Variants in CPAP observed in about 807,000 individuals in gnomAD.
The protein encoded by CPAP is centrosomal P4.1-associated protein.
chr13:24,883,327 T>C, the CPAP span: 1 of 1,613,956 alleles, frequency 6.2e-7, no homozygotes, highest in South Asian at 1.1e-5. Flanking sequence ...CAGTATGTAG[T>C]TCTCTTTGGC....
chr13:24,897,675 T>C, the CPAP span, among the ~76,000 whole-genome samples: 1 of 152,212 alleles, frequency 6.6e-6, no homozygotes, highest in Non-Finnish European at 1.5e-5. Flanking sequence ...TAAACTATCA[T>C]TAATGTTTAA....
At chr13:24,912,506 C>A in the CPAP span, 6 of 1,282,592 alleles carry the variant, frequency 4.7e-6, no homozygotes, top group Non-Finnish European at 6.7e-6. Flanking sequence ...ACAAGAAGAC[C>A]TAGAACAAAT....
At chr13:24,930,805 T>C in the CPAP span, among the ~76,000 whole-genome samples, 1 of 152,158 alleles carries the variant, frequency 6.6e-6, no homozygotes, top group Non-Finnish European at 1.5e-5. Context: ...GTAGAATGAG[T>C]TCTTTTCTTT....
the CPAP span, chr13:24,886,329 G>A: frequency 7.8e-7 from 1 of 1,289,270 alleles, no homozygotes; most frequent in Admixed American, 2.3e-5. Context: ...AAGGAGGAGA[G>A]CGGAGGCAGG....
chr13:24,906,129 TGCGGTTACAA>T, the CPAP span: 1 of 1,613,188 alleles, frequency 6.2e-7, no homozygotes, highest in Admixed American at 1.7e-5. Context: ...AAATCCTCAC[TGCGGTTACAA>T]TGACTAATGG....
chr13:24,894,668 A>C, the CPAP span, among the ~76,000 whole-genome samples: 44 of 152,110 alleles, frequency 2.9e-4, no homozygotes, highest in Admixed American at 3.9e-4. Flanking sequence ...AATGCCAGCC[A>C]GCGGTAAGGA....
At chr13:24,914,118 C>T in the CPAP span, among the ~76,000 whole-genome samples, 29 of 152,162 alleles carry the variant, frequency 1.9e-4, no homozygotes, top group African/African-American at 5.8e-4. Flanking sequence ...ATAAAAGCCA[C>T]GTGGGAAAAG....
chr13:24,932,152 G>A, the CPAP span, among the ~76,000 whole-genome samples: 1 of 152,126 alleles, frequency 6.6e-6, no homozygotes, highest in South Asian at 2.1e-4. Flanking sequence ...TCCCCAAACT[G>A]ACAAGGGACC....
the CPAP span, among the ~76,000 whole-genome samples, chr13:24,896,288 G>C: frequency 6.6e-6 from 1 of 152,180 alleles, no homozygotes; most frequent in African/African-American, 2.4e-5. Context: ...AGTTCCTGAA[G>C]AGGGACGGCA....
chr13:24,929,849 G>C, the CPAP span, among the ~76,000 whole-genome samples: 4 of 143,580 alleles, frequency 2.8e-5, no homozygotes, highest in African/African-American at 1.0e-4. Context: ...TTGTTTTCAA[G>C]TTTGCTCATT....
the CPAP span, chr13:24,899,538 G>A: frequency 1.2e-5 from 19 of 1,613,556 alleles, no homozygotes; most frequent in Admixed American, 1.7e-5. Context: ...TCTTCTATTC[G>A]AGCTAATTCT....
the CPAP span, chr13:24,933,282 G>A: frequency 3.0e-6 from 2 of 656,114 alleles, no homozygotes; most frequent in Non-Finnish European, 5.2e-6. Context: ...GACTTGGCCG[G>A]TTGGGAGGCT....
the CPAP span, among the ~76,000 whole-genome samples, chr13:24,887,517 G>A: frequency 6.6e-6 from 1 of 152,194 alleles, no homozygotes; most frequent in Non-Finnish European, 1.5e-5. Context: ...GATCCAGGTT[G>A]CACGCTCCTT....
the CPAP span, among the ~76,000 whole-genome samples, chr13:24,897,638 TTC>T: frequency 5.9e-5 from 9 of 152,122 alleles, no homozygotes; most frequent in Non-Finnish European, 1.3e-4. Context: ...AACAAAGATG[TTC>T]TGTTAAGATA....
the CPAP span, chr13:24,885,550 T>C: frequency 1.5e-6 from 2 of 1,368,940 alleles, no homozygotes; most frequent in Non-Finnish European, 2.1e-6. Flanking sequence ...TATTAACAAA[T>C]TGATTTCAAG....
chr13:24,882,665 T>G, the CPAP span: 8 of 156,566 alleles, frequency 5.1e-5, no homozygotes, highest in Admixed American at 5.0e-4. Flanking sequence ...TTTATATTCA[T>G]CCACTGTTGT....
the CPAP span, among the ~76,000 whole-genome samples, chr13:24,918,278 G>A: frequency 1.4e-4 from 21 of 152,228 alleles, no homozygotes; most frequent in East Asian, 9.6e-4. Context: ...GTGGCAAAGC[G>A]AACAGAAAAA....
chr13:24,885,543 T>C, the CPAP span: 1 of 1,327,734 alleles, frequency 7.5e-7, no homozygotes, highest in South Asian at 1.2e-5. Context: ...TTAAGTCTAT[T>C]AACAAATTGA....
the CPAP span, chr13:24,905,268 T>G: frequency 2.7e-5 from 36 of 1,358,308 alleles, no homozygotes; most frequent in Non-Finnish European, 3.8e-5. Context: ...AAGTTAGGAT[T>G]TTAAGCATTC....
Sources: allele counts gnomAD v4.1 joint callset (sites outside exome capture counted in the v4.1 genomes callset), GRCh38; gene constraint gnomAD v4.1.1; transcripts MANE v1.5; gene names NCBI Gene and HGNC (gene_info 2026-07-23, HGNC 2026-07-21).